Variants in LRRC9 observed in about 807,000 individuals in gnomAD.
The protein encoded by LRRC9 is leucine rich repeat containing 9.
A neutral mutation model predicts 63.2 loss-of-function variants in LRRC9; 122 were observed. The observed-to-expected ratio is 1.93, with a 90% CI of 1.67 to 2.24. The LOEUF is 2.24. Ranked by LOEUF, LRRC9 falls within the 30% of genes most tolerant of loss-of-function variation. The pLI is 0.00. For missense variants in LRRC9, 1,071 were observed against 627.7 expected (o/e 1.71, Z -7.55); for synonymous variants, 366 against 213.1 (o/e 1.72, Z -6.25).
At position 60,060,533 on chromosome 14, in the gene LRRC9, G is replaced by A. The variant is rs986476922; in HGVS notation, c.4276+2511G>A. 1.3e-5 allele frequency among the ~76,000 whole-genome samples: 2 copies of A among 152,192 alleles called. No homozygotes were observed. The highest frequency in any genetic ancestry group is 6.5e-5 in the Admixed American group (1 of 15,288). ...AGGTGGGCAGATCACGAGGTCAGGA[G>A]ATCGAGACCATCCTGGCTAACACGG... On this transcript the variant is annotated intron_variant, in intron 31 of 31. Coordinates refer to ENST00000445360, the Ensembl canonical transcript of LRRC9. This position sits in a 1 kb window ranked among gnomAD's most constrained non-coding sequence, Gnocchi z 4.0.
chr14:60,007,641 G>T (rs1042663006), intron 22 of LRRC9, among the ~76,000 whole-genome samples: 3 of 152,126 alleles, frequency 2.0e-5, no homozygotes, highest in Admixed American at 6.6e-5. Flanking sequence ...ACATAGTGAA[G>T]TTCCCTCTAA....
In LRRC9 at chr14:59,927,328, G is replaced by T. The variant is rs1006598992; in HGVS notation, c.-33-583G>T. ...ACAGAAAATATTACAAATTATGAAAGTTGGATTAAGTTTCATCCAACTGAA... is the reference window on the plus strand; with the variant it reads ...ACAGAAAATATTACAAATTATGAAATTTGGATTAAGTTTCATCCAACTGAA... On this transcript the variant is annotated intron_variant, in intron 1 of 31. Coordinates refer to ENST00000445360, the Ensembl canonical transcript of LRRC9. The surrounding 1 kb of genome is among the most constrained non-coding windows in gnomAD (Gnocchi z 4.4). Among the ~76,000 whole-genome samples the T allele has an allele frequency of 6.6e-6, 1 of 151,996 alleles. No homozygotes were observed. Among genetic ancestry groups the T allele is most frequent in the Non-Finnish European group, 1.5e-5 (1 of 67,906 alleles).
chr14:59,957,984 G>C (rs1225149434), intron 8 of LRRC9, among the ~76,000 whole-genome samples: 2 of 152,310 alleles, frequency 1.3e-5, no homozygotes, highest in South Asian at 4.1e-4. Flanking sequence ...ATTGCTGCCT[G>C]CTCCTTCCTC....
At chr14:60,040,139 TTC>T (rs751488816) in intron 29 of LRRC9, among the ~76,000 whole-genome samples, 4 of 151,960 alleles carry the variant, frequency 2.6e-5, no homozygotes, top group Non-Finnish European at 4.4e-5. Context: ...CAGTTATAAT[TTC>T]TGTTCTTTTA....
Position 60,058,342 on chromosome 14 carries a change from G to A in LRRC9, c.4276+320G>A, listed in dbSNP as rs1894430852. ...AAAGCTTTTATTTCATTTCATGGAT[G>A]TCAGAGCAAACAACTACTAAAACCA... is the stretch of plus-strand genomic sequence containing the variant. On this transcript the variant is annotated intron_variant, in intron 31 of 31. Transcript: ENST00000445360. The surrounding 1 kb of genome is among the most constrained non-coding windows in gnomAD (Gnocchi z 4.4). Among the ~76,000 whole-genome samples the A allele has an allele frequency of 6.6e-6, 1 of 152,034 alleles. No individual in the cohort carries two copies. The highest frequency in any genetic ancestry group is 2.4e-5 in the African/African-American group (1 of 41,404).
intron 8 of LRRC9, among the ~76,000 whole-genome samples, chr14:59,954,879 C>A (rs1883565086): frequency 6.6e-6 from 1 of 152,066 alleles, no homozygotes; most frequent in Non-Finnish European, 1.5e-5. Flanking sequence ...TTATCAAAGG[C>A]CTTTTCTGCA....
At chr14:59,929,624 C>T (rs1388743132) in intron 3 of LRRC9, among the ~76,000 whole-genome samples, 5 of 151,976 alleles carry the variant, frequency 3.3e-5, no homozygotes, top group African/African-American at 1.2e-4. Flanking sequence ...CACACATGCA[C>T]GTGTATGTTC....
intron 17 of LRRC9, among the ~76,000 whole-genome samples, chr14:59,992,717 A>G (rs1015834285): frequency 5.3e-5 from 8 of 152,144 alleles, no homozygotes; most frequent in Non-Finnish European, 1.0e-4. Flanking sequence ...AGTGATGGAA[A>G]ATCAAATGAA....
At chr14:59,999,834 T>C (rs1453410335) in intron 19 of LRRC9, among the ~76,000 whole-genome samples, 1 of 152,064 alleles carries the variant, frequency 6.6e-6, no homozygotes, top group Non-Finnish European at 1.5e-5. Context: ...AAAGAAATTT[T>C]TTATTGATAA....
At chr14:59,996,592 AAAAG>A (rs1014956255) in intron 17 of LRRC9, among the ~76,000 whole-genome samples, 1 of 152,220 alleles carries the variant, frequency 6.6e-6, no homozygotes, top group African/African-American at 2.4e-5. Context: ...AATAAACAAA[AAAAG>A]AATTTAAAAA....
At chr14:60,045,476 C>T (rs773754390) in intron 29 of LRRC9, among the ~76,000 whole-genome samples, 46 of 152,010 alleles carry the variant, frequency 3.0e-4, no homozygotes, top group Non-Finnish European at 5.4e-4. Context: ...ACTATGTGTC[C>T]GTCTGTTTTT....
chr14:59,929,027 C>T (rs1188601836), intron 3 of LRRC9, among the ~76,000 whole-genome samples: 9 of 151,956 alleles, frequency 5.9e-5, no homozygotes, highest in African/African-American at 1.9e-4. Context: ...GATTTCATGA[C>T]GAAGACACCA....
chr14:60,033,445 C>T (rs1285832194), intron 29 of LRRC9, among the ~76,000 whole-genome samples: 1 of 152,142 alleles, frequency 6.6e-6, no homozygotes, highest in East Asian at 1.9e-4. Context: ...GGGAAGATAA[C>T]CTATAAAAGT....
At chr14:59,971,027 G>A (rs1313218744) in intron 12 of LRRC9, among the ~76,000 whole-genome samples, 1 of 152,090 alleles carries the variant, frequency 6.6e-6, no homozygotes, top group Non-Finnish European at 1.5e-5. Context: ...TATTGCCTAT[G>A]TTGTGTGAGG....
At chr14:59,951,913 C>CA (rs1015422101) in intron 8 of LRRC9, among the ~76,000 whole-genome samples, 2 of 152,142 alleles carry the variant, frequency 1.3e-5, no homozygotes, top group African/African-American at 2.4e-5. Context: ...AGCTGTCAGA[C>CA]AGGGACATTT....
chr14:60,057,753 G>A, intron 30 of LRRC9, 125 bp from the exon 31 acceptor site: 1 of 436,828 alleles, frequency 2.3e-6, no homozygotes, highest in Non-Finnish European at 4.1e-6. Flanking sequence ...TCTGAGTTTA[G>A]GCAAGCAGGT....
At chr14:60,020,839 C>G (rs1473865740) in intron 26 of LRRC9, among the ~76,000 whole-genome samples, 1 of 151,860 alleles carries the variant, frequency 6.6e-6, no homozygotes, top group Non-Finnish European at 1.5e-5. Flanking sequence ...GGCCATTTCA[C>G]TGTATGGATA....
Position 59,964,223 on chromosome 14 carries a change from T to C in LRRC9, c.1212-2366T>C, listed in dbSNP as rs570942865. On this transcript the variant is annotated intron_variant, in intron 10 of 31. Transcript: ENST00000445360. The surrounding 1 kb of genome is among the most constrained non-coding windows in gnomAD (Gnocchi z 4.4). ...CTGCAAAGGCTTTTGTTTTGTTTTATTGGCAGACTCTTCACCTACAGTAAA... is the reference window on the plus strand; with the variant it reads ...CTGCAAAGGCTTTTGTTTTGTTTTACTGGCAGACTCTTCACCTACAGTAAA... Among the ~76,000 whole-genome samples, 1 of 152,324 alleles carries C rather than the reference T, an allele frequency of 6.6e-6. No individual in the cohort carries two copies. Among genetic ancestry groups the C allele is most frequent in the South Asian group, 2.1e-4 (1 of 4,826 alleles).
At chr14:59,999,956 G>T (rs1271859408) in intron 19 of LRRC9, among the ~76,000 whole-genome samples, 1 of 151,976 alleles carries the variant, frequency 6.6e-6, no homozygotes, top group African/African-American at 2.4e-5. Flanking sequence ...ATAACCAAAA[G>T]AAAATTAATT....
Sources: gnomAD v4.1 joint callset for allele counts (sites outside exome capture counted in the v4.1 genomes callset) on GRCh38, gnomAD v4.1.1 for gene constraint, Gnocchi (gnomAD v3.1) non-coding constraint, MANE v1.5 for transcripts, NCBI Gene and HGNC (gene_info 2026-07-23, HGNC 2026-07-21) for gene names.